The following CYFIP1 variants were observed in gnomAD, a reference collection of about 807,000 sequenced individuals.
CYFIP1 encodes cytoplasmic FMR1 interacting protein 1.
A neutral mutation model predicts 163.5 loss-of-function variants in CYFIP1; 58 were observed. The ratio of observed to expected loss-of-function variants is 0.35; its 90% CI spans 0.29 to 0.44. The LOEUF (loss-of-function observed/expected upper bound fraction) is 0.44. CYFIP1 is among the 20% of genes least tolerant of loss of function. CYFIP1 has a pLI of 1.00. For synonymous variants in CYFIP1, 663 were observed against 660.7 expected (o/e 1.00, Z -0.05); for missense variants, 1,338 against 1,653.8 (o/e 0.81, Z 3.31).
At chr15:22,957,237 T>C (rs2062493666) in intron 1 of CYFIP1, among the ~76,000 whole-genome samples, 2 of 152,238 alleles carry the variant, frequency 1.3e-5, no homozygotes, top group Non-Finnish European at 2.9e-5. Context: ...GCACGGTGGC[T>C]CACGCCTGTA....
At position 22,867,977 on chromosome 15, in the gene CYFIP1, A is replaced by AAAG. The variant is rs1253735916; in HGVS notation, c.*2048_*2050dup. 5.9e-5 allele frequency: 9 copies of AAAG among 152,366 alleles called. No individual in the cohort carries two copies. The highest frequency in any genetic ancestry group is 3.9e-4 in the Admixed American group (6 of 15,308). The allele number at this position is 152,366 out of a possible 1,614,324, so 9.4% of individuals were successfully genotyped here. ...ATAACCATTGACTGGCCTTTAAAAA[A>AAAG]AAGTATTGGCAGAATTAATTTCCAC... On this transcript the variant is annotated 3_prime_UTR_variant, in exon 31 of 31. Coordinates refer to ENST00000617928, the MANE Select transcript of CYFIP1 (RefSeq NM_014608.6).
chr15:22,952,227 G>A (rs1349151885), intron 1 of CYFIP1, among the ~76,000 whole-genome samples: 3 of 152,118 alleles, frequency 2.0e-5, no homozygotes, highest in Non-Finnish European at 4.4e-5. Context: ...CAGGGGCTGC[G>A]TGCTGGGCTG....
rs760077129 is a variant in CYFIP1 at position 22,872,805 on chromosome 15, C to T, written c.3597+20G>A. 4.6e-5 allele frequency: 74 copies of T among 1,612,172 alleles called. 1 individual carries two copies. Among genetic ancestry groups the T allele is most frequent in the South Asian group, 9.9e-5 (9 of 90,962 alleles). On this transcript the variant is annotated intron_variant, in intron 30 of 30. Transcript: ENST00000617928. ...TTTTGCAAAAGGTCCATAGATGGTG[C>T]GAGATTTTCATCCACATACCACATT...
At chr15:22,958,117 T>C (rs1461218869) in intron 1 of CYFIP1, among the ~76,000 whole-genome samples, 1 of 148,466 alleles carries the variant, frequency 6.7e-6, no homozygotes, top group African/African-American at 2.6e-5. Context: ...TTTTTTGAAA[T>C]GGAGTCTCGT....
chr15:22,891,414 G>A (rs2060078711), intron 23 of CYFIP1, among the ~76,000 whole-genome samples: 1 of 152,188 alleles, frequency 6.6e-6, no homozygotes, highest in South Asian at 2.1e-4. Flanking sequence ...GACAAAGTGA[G>A]ACTCCATCTC....
At chr15:22,922,656 A>G (rs1373925360) in intron 13 of CYFIP1, among the ~76,000 whole-genome samples, 7 of 152,208 alleles carry the variant, frequency 4.6e-5, no homozygotes, top group Non-Finnish European at 1.0e-4. Context: ...AAAATGGATC[A>G]TATATTTAAA....
At chr15:22,881,814 C>T in intron 25 of CYFIP1, 32 bp downstream of exon 25, 1 of 1,595,854 alleles carries the variant, frequency 6.3e-7, no homozygotes, top group Non-Finnish European at 8.5e-7. Context: ...TCTCCACAGA[C>T]AGCACTGTGA....
intron 22 of CYFIP1, among the ~76,000 whole-genome samples, chr15:22,893,527 T>C (rs992862113): frequency 2.6e-5 from 4 of 152,182 alleles, no homozygotes; most frequent in East Asian, 1.9e-4. Flanking sequence ...TTTAAACACA[T>C]AAAACTTTTG....
At chr15:22,941,484 T>A (rs1438652322) in intron 6 of CYFIP1, among the ~76,000 whole-genome samples, 1 of 152,124 alleles carries the variant, frequency 6.6e-6, no homozygotes, top group African/African-American at 2.4e-5. Flanking sequence ...TATCTTGGCA[T>A]TGACACTTAA....
chr15:22,932,398 G>A (rs3751566), intron 10 of CYFIP1, 58 bp from the exon 11 acceptor site: 389,511 of 1,274,600 alleles, frequency 0.31, 63,823 homozygotes, highest in Admixed American at 0.39. Flanking sequence ...CCACAGCACT[G>A]GGGCAGCTCA....
intron 23 of CYFIP1, among the ~76,000 whole-genome samples, chr15:22,887,823 A>G (rs771356573): frequency 6.6e-6 from 1 of 152,170 alleles, no homozygotes; most frequent in South Asian, 2.1e-4. Flanking sequence ...AGCACTCTGG[A>G]TGTCCAGTCA....
At chr15:22,875,633 C>G (rs2059559848) in intron 26 of CYFIP1, among the ~76,000 whole-genome samples, 1 of 152,024 alleles carries the variant, frequency 6.6e-6, no homozygotes, top group African/African-American at 2.4e-5. Flanking sequence ...TCCTTCCCTG[C>G]TAATTTGCCA....
intron 22 of CYFIP1, among the ~76,000 whole-genome samples, chr15:22,897,217 A>C (rs938033049): frequency 7.2e-5 from 11 of 152,090 alleles, no homozygotes; most frequent in South Asian, 2.1e-4. Flanking sequence ...CTGTCCCCGC[A>C]AAAAAAGGAA....
At chr15:22,947,511 G>A (rs535030786) in intron 1 of CYFIP1, among the ~76,000 whole-genome samples, 3 of 152,232 alleles carry the variant, frequency 2.0e-5, no homozygotes, top group South Asian at 2.1e-4. Flanking sequence ...TTCCACACTC[G>A]CTGAGAACAG....
chr15:22,883,723 A>C (rs929538275), intron 23 of CYFIP1, among the ~76,000 whole-genome samples: 1 of 149,768 alleles, frequency 6.7e-6, no homozygotes, highest in East Asian at 2.0e-4. Flanking sequence ...AGGCTGAGGC[A>C]GGAGAATGGC....
At chr15:22,951,367 T>TGCTGC in intron 1 of CYFIP1, 1 of 1,260,382 alleles carries the variant, frequency 7.9e-7, no homozygotes, top group Middle Eastern at 2.2e-4. Flanking sequence ...AAAGGAGCAG[T>TGCTGC]GCAGGGCAGC....
intron 22 of CYFIP1, among the ~76,000 whole-genome samples, chr15:22,902,391 C>A (rs941357259): frequency 6.6e-6 from 1 of 152,178 alleles, no homozygotes; most frequent in Non-Finnish European, 1.5e-5. Context: ...GGTGCAGACT[C>A]GGGATGGAGA....
rs373926418 is a variant in CYFIP1, at chr15:22,870,102, C to T, written c.3688G>A (p.Asp1230Asn). The stretch of plus-strand genomic sequence containing the variant: ...TGCTCCACTGGCGTGCCCTCCCCGT[C>T]GCCTGACTTCAGGTACTTATCCAGG... ...TILDKYLKSG[D>N]GEGTPVEHVR... is the part of the protein sequence containing the mutation. Residue 1230 changes from aspartate (D) to asparagine (N), a missense_variant, in exon 31 of 31, where the codon GAC (aspartate) becomes AAC (asparagine). Asp to Asn is a conservative substitution (Grantham distance 23). Around this residue, in one of 4 missense-constraint regions of CYFIP1, gnomAD observed 306 missense variants for 322.1 expected, o/e 0.95. Coordinates refer to ENST00000617928, the MANE Select transcript of CYFIP1 (RefSeq NM_014608.6). 2.0e-5 allele frequency: 33 copies of T among 1,613,112 alleles called. No individual in the cohort carries two copies. Among genetic ancestry groups the T allele is most frequent in the Middle Eastern group, 1.7e-4 (1 of 6,060 alleles).
chr15:22,911,313 GA>G (rs1463997271), intron 18 of CYFIP1, among the ~76,000 whole-genome samples: 4 of 152,134 alleles, frequency 2.6e-5, no homozygotes, highest in Non-Finnish European at 5.9e-5. Context: ...TACTGAGGGA[GA>G]AAAATATTCC....
Sources: allele counts gnomAD v4.1 joint callset (sites outside exome capture counted in the v4.1 genomes callset), GRCh38; gene constraint gnomAD v4.1.1; regional missense constraint gnomAD v4.1.1; transcripts MANE v1.5; gene names NCBI Gene and HGNC (gene_info 2026-07-23, HGNC 2026-07-21).